Variants in SLC5A4 observed in about 807,000 individuals in gnomAD.
SLC5A4 encodes the protein probable glucose sensor protein SLC5A4.
A neutral mutation model predicts 70.3 loss-of-function variants in SLC5A4; 55 were observed. The ratio of observed to expected loss-of-function variants is 0.78; its 90% confidence interval spans 0.63 to 0.98. The LOEUF (loss-of-function observed/expected upper bound fraction) is 0.98. Among genes scored for constraint, SLC5A4 ranks in the 50% least tolerant of loss-of-function variants. The pLI is 0.00. For synonymous variants in SLC5A4, 268 were observed against 305.7 expected, an observed-to-expected ratio of 0.88 and a Z score of 1.29; for missense variants, 735 against 839.2, an observed-to-expected ratio of 0.88 and a Z score of 1.53.
At chr22:32,326,785 C>A in the SLC5A4 span, among the ~76,000 whole-genome samples, 2 of 152,154 alleles carry the variant, frequency 1.3e-5, no homozygotes, top group Non-Finnish European at 2.9e-5. Context: ...ACTGGCTAGG[C>A]CTGCTGCCAT....
At position 32,234,868 on chromosome 22, in the gene SLC5A4, T is replaced by C. The variant is rs530225653; in HGVS notation, c.885+5A>G. 16 of 1,597,302 alleles carry C rather than the reference T, an allele frequency of 1.0e-5. No homozygotes were observed. The highest frequency in any genetic ancestry group is 1.4e-5 in the Non-Finnish European group (16 of 1,166,278). On this transcript the variant is annotated splice_donor_5th_base_variant and intron_variant, in intron 8 of 14. Transcript: ENST00000266086. ...CAGACAGACACACATATACATATAC[T>C]TCACCTGATTTGTGCACCAGTACCA...
Position 32,229,256 on chromosome 22 carries a change from G to A in SLC5A4, c.1218C>T (p.Thr406=). 1.9e-6 allele frequency: 3 copies of A among 1,614,156 alleles called. No homozygotes were observed. Among genetic ancestry groups the A allele is most frequent in the Non-Finnish European group, 2.5e-6 (3 of 1,180,014 alleles). The change falls in exon 11 of 15, where the codon ACC becomes ACT. Residue 406 remains threonine, a synonymous_variant. Transcript: ENST00000266086. ...TCCGCATCTTGGTGTAGAGGTCAAT[G>A]GTGAAGAGGGTGCTGGCGCTGTTGA... ...SIFNSASTLF[T]IDLYTKMRKQ... is the part of the protein sequence containing the mutation.
chr22:32,328,394 G>A, the SLC5A4 span, among the ~76,000 whole-genome samples: 5 of 152,276 alleles, frequency 3.3e-5, no homozygotes, highest in East Asian at 1.9e-4. Flanking sequence ...GGCATGGGAT[G>A]TCCCTTCCAA....
the SLC5A4 span, chr22:32,269,553 G>A: frequency 1.8e-5 from 11 of 625,018 alleles, no homozygotes; most frequent in East Asian, 1.2e-4. This position sits in a 1 kb window ranked among gnomAD's most constrained non-coding sequence, Gnocchi z 4.1. Flanking sequence ...CTAACATCAC[G>A]CAGAAGGTGC....
At chr22:32,273,036 A>G in the SLC5A4 span, 2 of 535,624 alleles carry the variant, frequency 3.7e-6, no homozygotes, top group Non-Finnish European at 7.4e-6. Context: ...CAAGCTGGCC[A>G]AGAAGATCAG....
intron 12 of SLC5A4, 62 bp from the exon 13 acceptor site, chr22:32,224,544 A>T: frequency 7.6e-7 from 1 of 1,319,580 alleles, no homozygotes; most frequent in Non-Finnish European, 1.1e-6. Flanking sequence ...TATTCAAGTA[A>T]GTCATCATTA....
At chr22:32,298,988 T>C in the SLC5A4 span, among the ~76,000 whole-genome samples, 1 of 133,358 alleles carries the variant, frequency 7.5e-6, no homozygotes, top group Non-Finnish European at 1.6e-5. Flanking sequence ...TGGCCCCCAC[T>C]CTCTTCTGGC....
At chr22:32,269,552 C>G in the SLC5A4 span, 6 of 625,658 alleles carry the variant, frequency 9.6e-6, no homozygotes, top group South Asian at 8.4e-5. The surrounding 1 kb of genome is among the most constrained non-coding windows in gnomAD (Gnocchi z 4.1). Flanking sequence ...GCTAACATCA[C>G]GCAGAAGGTG....
At chr22:32,340,052 C>T in the SLC5A4 span, among the ~76,000 whole-genome samples, 7 of 152,232 alleles carry the variant, frequency 4.6e-5, no homozygotes, top group African/African-American at 1.7e-4. Context: ...TTGCTCTTCC[C>T]AGTAGAAGGA....
the SLC5A4 span, among the ~76,000 whole-genome samples, chr22:32,337,459 C>T: frequency 2.9e-3 from 434 of 152,072 alleles, 3 homozygotes; most frequent in African/African-American, 9.9e-3. Context: ...GCTTGAACCC[C>T]GGAGGTGGAG....
chr22:32,310,089 G>A, the SLC5A4 span, among the ~76,000 whole-genome samples: 81 of 147,578 alleles, frequency 5.5e-4, 1 homozygote, highest in African/African-American at 1.9e-3. Context: ...GATGGGGGGG[G>A]TGGCAGAAGG....
the SLC5A4 span, among the ~76,000 whole-genome samples, chr22:32,317,519 A>AT: frequency 6.6e-6 from 1 of 151,964 alleles, no homozygotes; most frequent in Non-Finnish European, 1.5e-5. Flanking sequence ...CTGGAGTGCA[A>AT]TGGTGCAATC....
the SLC5A4 span, among the ~76,000 whole-genome samples, chr22:32,307,933 ACAT>A: frequency 7.6e-6 from 1 of 130,780 alleles, no homozygotes; most frequent in Non-Finnish European, 1.7e-5. Context: ...AGGGATTCTT[ACAT>A]GTTTCCAACC....
chr22:32,306,877 T>C, the SLC5A4 span, among the ~76,000 whole-genome samples: 1 of 150,632 alleles, frequency 6.6e-6, no homozygotes, highest in Non-Finnish European at 1.5e-5. Context: ...AGAAACTGGG[T>C]ATGAGAAACT....
At chr22:32,303,916 G>T in the SLC5A4 span, among the ~76,000 whole-genome samples, 1 of 152,196 alleles carries the variant, frequency 6.6e-6, no homozygotes, top group Non-Finnish European at 1.5e-5. Context: ...CATTCCCACA[G>T]CAGTGAATGA....
At position 32,247,478 on chromosome 22, in the gene SLC5A4, C is replaced by T. The variant is rs1262836686; in HGVS notation, c.410G>A (p.Gly137Asp). ...TMPEYLKKRFGGERLQVYLSI... is the reference protein window; with the variant it reads ...TMPEYLKKRFDGERLQVYLSI... Reference sequence around the variant, plus strand: ...GAGGTAGACCTGGAGTCGCTCCCCACCAAACCGCTTCTTGAGATATTCCGG... The same window carrying T: ...GAGGTAGACCTGGAGTCGCTCCCCATCAAACCGCTTCTTGAGATATTCCGG... The change falls in exon 5 of 15, where the codon GGT becomes GAT. Residue 137 changes from glycine (G) to aspartate (D), a missense_variant. By Grantham distance (94) the Gly-to-Asp change is moderately conservative (BLOSUM62 -1). Transcript: ENST00000266086. The T allele has an allele frequency of 6.2e-7, 1 of 1,613,898 alleles. No individual in the cohort carries two copies. The highest frequency in any genetic ancestry group is 1.7e-5 in the Admixed American group (1 of 60,022).
the SLC5A4 span, among the ~76,000 whole-genome samples, chr22:32,339,656 T>G: frequency 6.6e-6 from 1 of 152,136 alleles, no homozygotes; most frequent in Non-Finnish European, 1.5e-5. Context: ...CTGCCGCCTC[T>G]GGAAAGATTC....
chr22:32,234,048 C>T (rs1471162570), intron 8 of SLC5A4, among the ~76,000 whole-genome samples: 1 of 152,224 alleles, frequency 6.6e-6, no homozygotes, highest in Non-Finnish European at 1.5e-5. Flanking sequence ...AGTTGAAAGA[C>T]AGCTAAACTC....
At chr22:32,221,131 A>G in intron 13 of SLC5A4, 109 bp from the exon 14 acceptor site, 1 of 702,708 alleles carries the variant, frequency 1.4e-6, no homozygotes, top group Non-Finnish European at 2.5e-6. Context: ...ATCAAACCAT[A>G]CAGGAGAATA....
Sources: gnomAD v4.1 joint callset for allele counts (sites outside exome capture counted in the v4.1 genomes callset) on GRCh38, gnomAD v4.1.1 for gene constraint, Gnocchi (gnomAD v3.1) non-coding constraint, MANE v1.5 for transcripts, NCBI Gene and HGNC (gene_info 2026-07-23, HGNC 2026-07-21) for gene names.